The following ADCY9 variants were observed in gnomAD, a reference collection of about 807,000 sequenced individuals.
ADCY9 encodes adenylate cyclase type 9.
A neutral mutation model predicts 101.5 loss-of-function variants in ADCY9; 50 were observed. The ratio of observed to expected loss-of-function variants is 0.49; its 90% CI spans 0.39 to 0.62. The LOEUF is 0.62. ADCY9 is among the 20% of genes least tolerant of loss of function. The pLI, the probability that ADCY9 is intolerant of heterozygous loss-of-function variation, is 0.00. For missense variants in ADCY9, 1,662 were observed against 1,800.4 expected, an observed-to-expected ratio of 0.92 and a Z score of 1.39; for synonymous variants, 905 against 769.3, an observed-to-expected ratio of 1.18 and a Z score of -2.92.
At chr16:4,067,331 G>A (rs993121390) in intron 2 of ADCY9, among the ~76,000 whole-genome samples, 4 of 152,178 alleles carry the variant, frequency 2.6e-5, no homozygotes, top group Admixed American at 2.0e-4. Context: ...CACAAGGATA[G>A]TAAAATACTA....
chr16:4,086,969 T>C (rs1229805839), intron 2 of ADCY9, among the ~76,000 whole-genome samples: 2 of 151,712 alleles, frequency 1.3e-5, no homozygotes, highest in Non-Finnish European at 2.9e-5. Context: ...CCTCCAAAGC[T>C]TCTTCATTCT....
intron 2 of ADCY9, among the ~76,000 whole-genome samples, chr16:4,009,161 G>A (rs531635495): frequency 5.3e-5 from 8 of 152,254 alleles, no homozygotes; most frequent in African/African-American, 1.2e-4. Flanking sequence ...CTAGAAACAC[G>A]TAAAGACAGC....
intron 2 of ADCY9, among the ~76,000 whole-genome samples, chr16:4,038,558 A>G (rs112985133): frequency 0.033 from 4,978 of 152,226 alleles, 285 homozygotes; most frequent in African/African-American, 0.11. Flanking sequence ...GAAATCACCC[A>G]GTTGCAGGTA....
Position 3,966,224 on chromosome 16 carries a change from G to A in ADCY9, c.3613C>T (p.Arg1205Cys), listed in dbSNP as rs749352306. The change falls in exon 11 of 11, where the codon CGC (arginine) becomes TGC (cysteine). Residue 1205 changes from arginine to cysteine, a missense_variant. Physicochemically the swap from Arg to Cys is radical, Grantham distance 180. Coordinates refer to ENST00000294016, the MANE Select transcript of ADCY9 (RefSeq NM_001116.4). ...SRMDTTGVEC[R>C]IQVSEESYRV... is the part of the protein sequence containing the mutation. Reference sequence around the variant, plus strand: ...TAGCTCTCTTCGCTCACCTGGATGCGGCACTCCACGCCGGTGGTGTCCATC... The same window carrying A: ...TAGCTCTCTTCGCTCACCTGGATGCAGCACTCCACGCCGGTGGTGTCCATC... 4 of 1,614,204 alleles carry A rather than the reference G, an allele frequency of 2.5e-6. No homozygotes were observed. Among genetic ancestry groups the A allele is most frequent in the South Asian group, 1.1e-5 (1 of 91,080 alleles).
At chr16:4,051,180 T>C (rs1176216663) in intron 2 of ADCY9, among the ~76,000 whole-genome samples, 3 of 151,432 alleles carry the variant, frequency 2.0e-5, no homozygotes, top group African/African-American at 7.3e-5. Flanking sequence ...GCCATTGCAC[T>C]CCAGCCGGGG....
At chr16:3,954,346 G>C (rs866210922) in intron 5 of ADCY9, among the ~76,000 whole-genome samples, 4 of 152,172 alleles carry the variant, frequency 2.6e-5, no homozygotes, top group Admixed American at 6.5e-5. Flanking sequence ...CAATTGGTGG[G>C]ATTGGGTGGG....
chr16:4,007,314 T>C, intron 3 of ADCY9, 54 bp downstream of exon 3: 1 of 1,447,656 alleles, frequency 6.9e-7, no homozygotes, highest in Non-Finnish European at 9.1e-7. Context: ...CGTGCTCTAC[T>C]GCAGAATTAA....
chr16:3,990,359 G>A (rs61254246), intron 5 of ADCY9, among the ~76,000 whole-genome samples: 1 of 151,756 alleles, frequency 6.6e-6, no homozygotes, highest in African/African-American at 2.4e-5. Context: ...CCAGCTACTC[G>A]GGTGGCTAAG....
chr16:3,988,929 G>C, intron 6 of ADCY9, 65 bp downstream of exon 6: 4 of 1,283,864 alleles, frequency 3.1e-6, no homozygotes, highest in Non-Finnish European at 3.4e-6. Context: ...AAAACTAACA[G>C]TGAATGACCA....
intron 2 of ADCY9, among the ~76,000 whole-genome samples, chr16:4,047,558 T>C (rs1172200818): frequency 2.6e-5 from 4 of 152,164 alleles, no homozygotes; most frequent in Middle Eastern, 6.8e-3. Flanking sequence ...TGTGAGCTGT[T>C]AGACGCACAC....
At chr16:4,052,613 C>CT (rs1030882283) in intron 2 of ADCY9, among the ~76,000 whole-genome samples, 3 of 152,168 alleles carry the variant, frequency 2.0e-5, no homozygotes, top group African/African-American at 7.2e-5. Flanking sequence ...AAAACCCCCT[C>CT]TATCACTCAC....
chr16:4,035,528 C>T (rs2141758994), intron 2 of ADCY9, among the ~76,000 whole-genome samples: 1 of 152,260 alleles, frequency 6.6e-6, no homozygotes, highest in East Asian at 1.9e-4. Context: ...CACGTGCACA[C>T]ATGCTTAGAT....
intron 2 of ADCY9, among the ~76,000 whole-genome samples, chr16:4,048,632 AG>A (rs1298100904): frequency 3.9e-5 from 6 of 152,120 alleles, no homozygotes; most frequent in Non-Finnish European, 7.3e-5. Context: ...GCACCTGGAG[AG>A]GGAGGCCACA....
chr16:4,066,523 A>G (rs912552759), intron 2 of ADCY9, among the ~76,000 whole-genome samples: 1 of 152,052 alleles, frequency 6.6e-6, no homozygotes, highest in South Asian at 2.1e-4. Flanking sequence ...AGTAGCTTGG[A>G]CCAAAGATGC....
intron 6 of ADCY9, among the ~76,000 whole-genome samples, chr16:3,984,370 G>A (rs1321963674): frequency 6.6e-6 from 1 of 152,182 alleles, no homozygotes; most frequent in African/African-American, 2.4e-5. Flanking sequence ...TGTGCTGGGG[G>A]CCAGTACACT....
intron 2 of ADCY9, among the ~76,000 whole-genome samples, chr16:4,055,138 G>A (rs927548609): frequency 6.6e-6 from 1 of 152,158 alleles, no homozygotes; most frequent in African/African-American, 2.4e-5. Flanking sequence ...CCAGCACTGT[G>A]GTAGCCAACA....
chr16:4,071,332 C>CAAAAAAAAAAAAAAAAAA (rs530420293), intron 2 of ADCY9, among the ~76,000 whole-genome samples: 40 of 70,516 alleles, frequency 5.7e-4, no homozygotes, highest in Admixed American at 8.6e-4. Context: ...ACTCAGTCTC[C>CAAAAAAAAAAAAAAAAAA]AAAAAAAAAA....
At chr16:4,031,032 C>T (rs8047603) in intron 2 of ADCY9, among the ~76,000 whole-genome samples, 3,766 of 152,120 alleles carry the variant, frequency 0.025, 164 homozygotes, top group African/African-American at 0.086. Context: ...AAAAAATGTG[C>T]GGAACTGTTC....
intron 2 of ADCY9, among the ~76,000 whole-genome samples, chr16:4,028,104 A>G (rs1325740022): frequency 6.6e-6 from 1 of 152,166 alleles, no homozygotes; most frequent in African/African-American, 2.4e-5. Context: ...GGGGGTGATT[A>G]AACTGTTCTG....
Sources: allele counts gnomAD v4.1 joint callset (sites outside exome capture counted in the v4.1 genomes callset), GRCh38; gene constraint gnomAD v4.1.1; transcripts MANE v1.5; gene names NCBI Gene and HGNC (gene_info 2026-07-23, HGNC 2026-07-21).